ZDHHC11B: variants seen among roughly 807,000 people sequenced by gnomAD.
ZDHHC11B encodes zDHHC palmitoyltransferase 11B (putative).
A neutral mutation model predicts 42.3 loss-of-function variants in ZDHHC11B; 17 were observed. The observed-to-expected ratio is 0.40, with a 90% CI of 0.27 to 0.60. The LOEUF is 0.60. Among genes scored for constraint, ZDHHC11B ranks in the 20% least tolerant of loss-of-function variants. The probability of loss-of-function intolerance (pLI) is 0.41; values close to 1 mark genes in which losing one functional copy is unlikely to be tolerated. For synonymous variants in ZDHHC11B, 123 were observed against 193.5 expected (o/e 0.64, Z 3.02); for missense variants, 262 against 463.2 (o/e 0.57, Z 3.99).
At chr5:759,861 C>T (rs1369827940) in intron 4 of ZDHHC11B, among the ~76,000 whole-genome samples, 4 of 151,884 alleles carry the variant, frequency 2.6e-5, no homozygotes, top group African/African-American at 7.3e-5. Flanking sequence ...CTGCAGGTGC[C>T]GGATAGCACA....
intron 4 of ZDHHC11B, among the ~76,000 whole-genome samples, chr5:762,812 A>AT (rs56065479): frequency 0.55 from 81,967 of 149,680 alleles, 17,854 homozygotes; most frequent in East Asian, 0.68. Flanking sequence ...TAAAAGCAGA[A>AT]TTTTTTTTTA....
chr5:729,418 G>A (rs1742840462), intron 12 of ZDHHC11B, among the ~76,000 whole-genome samples: 1 of 150,620 alleles, frequency 6.6e-6, no homozygotes, highest in South Asian at 2.1e-4. Flanking sequence ...CTGGGGCGGG[G>A]GCTTCCCCTG....
intron 4 of ZDHHC11B, among the ~76,000 whole-genome samples, chr5:762,651 G>A (rs1480102944): frequency 2.6e-5 from 4 of 151,740 alleles, no homozygotes; most frequent in African/African-American, 7.3e-5. Context: ...GTGCATGCCC[G>A]GGTCTGTGCA....
At chr5:734,024 G>A (rs563564456) in intron 10 of ZDHHC11B, among the ~76,000 whole-genome samples, 185 bp from the exon 11 acceptor site, 48 of 146,490 alleles carry the variant, frequency 3.3e-4, no homozygotes, top group African/African-American at 1.2e-3. Flanking sequence ...AGTGGCACAC[G>A]TAAGAAGCTT....
intron 1 of ZDHHC11B, among the ~76,000 whole-genome samples, chr5:776,412 C>T (rs1232205906): frequency 1.4e-4 from 21 of 151,846 alleles, no homozygotes; most frequent in African/African-American, 5.1e-4. Flanking sequence ...AGAAGCAACC[C>T]CCCAGTAAAT....
At position 766,941 on chromosome 5, in the gene ZDHHC11B, G is replaced by A. The variant is rs1331031449; in HGVS notation, c.1-22C>T. ...CCATCTGCAGGACACAGAAGGGGAG[G>A]ACCTGCGCCATCAGCTCCGGGGAGG... On this transcript the variant is annotated intron_variant, in intron 3 of 13. Coordinates refer to ENST00000508859, the MANE Select transcript of ZDHHC11B (RefSeq NM_001351303.2). 5 of 1,607,254 alleles carry A rather than the reference G, an allele frequency of 3.1e-6. No homozygotes were observed. In the South Asian group the frequency reaches 5.5e-5, roughly 18 times the overall value.
intron 13 of ZDHHC11B, among the ~76,000 whole-genome samples, chr5:712,934 A>G (rs555181640): frequency 1.3e-5 from 2 of 148,886 alleles, no homozygotes; most frequent in South Asian, 2.2e-4. Context: ...GTGTGTATAT[A>G]TATATATATT....
chr5:732,139 C>T, intron 11 of ZDHHC11B: 1 of 157,078 alleles, frequency 6.4e-6, no homozygotes, highest in Non-Finnish European at 1.4e-5. Flanking sequence ...CAGCACAGGG[C>T]TGTGCCACGG....
At chr5:784,004 G>A (rs1737069500) in intron 1 of ZDHHC11B, among the ~76,000 whole-genome samples, 1 of 151,316 alleles carries the variant, frequency 6.6e-6, no homozygotes, top group Admixed American at 6.6e-5. Context: ...ATCCTCGGGC[G>A]CTGCTCCCAG....
chr5:775,498 C>A (rs1419602821), intron 1 of ZDHHC11B, among the ~76,000 whole-genome samples: 6 of 151,974 alleles, frequency 3.9e-5, no homozygotes, highest in Non-Finnish European at 7.4e-5. Flanking sequence ...GGGAAGGGAC[C>A]AGGCTGGGAA....
rs1742341157 is a variant in ZDHHC11B at position 723,479 on chromosome 5, T to A, written c.1059-6614A>T. On this transcript the variant is annotated intron_variant, in intron 12 of 13. Transcript: ENST00000508859. ...TGGCCCAGAAACGAGGTCTGTCTGA[T>A]GCCAAAGTCCAAATGCAGGTTACGG... Among the ~76,000 whole-genome samples, 4 of 121,508 alleles carry A rather than the reference T, an allele frequency of 3.3e-5. No individual in the cohort carries two copies. The South Asian group carries it at 1.1e-3, about 32-fold the overall frequency. 79.7% of individuals were successfully genotyped at this position (121,508 alleles called of 152,430 possible).
chr5:771,672 G>A (rs1412817233), intron 1 of ZDHHC11B, among the ~76,000 whole-genome samples: 16 of 151,784 alleles, frequency 1.1e-4, no homozygotes, highest in African/African-American at 3.6e-4. Context: ...TGCAGCAGGG[G>A]TCGCTGGACA....
chr5:777,018 A>C (rs447545), intron 1 of ZDHHC11B, among the ~76,000 whole-genome samples: 1 of 151,770 alleles, frequency 6.6e-6, no homozygotes, highest in Admixed American at 6.6e-5. Context: ...CCCCTGCAGC[A>C]CAGGACGCAG....
At chr5:733,730 A>G (rs1461102882) in intron 11 of ZDHHC11B, 22 bp downstream of exon 11, 1 of 1,602,584 alleles carries the variant, frequency 6.2e-7, no homozygotes, top group Non-Finnish European at 8.5e-7. Context: ...CTCAGGGTGC[A>G]TTGCTGGTGA....
chr5:756,947 G>T (rs1482856631), intron 4 of ZDHHC11B, among the ~76,000 whole-genome samples: 2 of 151,774 alleles, frequency 1.3e-5, no homozygotes, highest in Admixed American at 6.6e-5. Flanking sequence ...CTGGGCCTCT[G>T]TCTTGGGCCC....
At chr5:737,383 A>G (rs1311428588) in intron 10 of ZDHHC11B, among the ~76,000 whole-genome samples, 1 of 149,440 alleles carries the variant, frequency 6.7e-6, no homozygotes, top group Non-Finnish European at 1.5e-5. Context: ...GCATCCAAAG[A>G]AGGACTGGTA....
intron 12 of ZDHHC11B, among the ~76,000 whole-genome samples, chr5:719,242 T>C (rs1469605338): frequency 6.6e-6 from 1 of 151,666 alleles, no homozygotes; most frequent in African/African-American, 2.4e-5. Flanking sequence ...ACACAGAATA[T>C]CCAGTTTTTA....
intron 6 of ZDHHC11B, among the ~76,000 whole-genome samples, chr5:754,251 G>C (rs1427147649): frequency 1.7e-5 from 2 of 118,070 alleles, no homozygotes; most frequent in Non-Finnish European, 1.8e-5. Flanking sequence ...CCGTGCTCAG[G>C]GGAAACACCT....
intron 8 of ZDHHC11B, among the ~76,000 whole-genome samples, chr5:747,078 A>G (rs1243264591): frequency 4.3e-5 from 4 of 93,482 alleles, no homozygotes; most frequent in Non-Finnish European, 2.3e-5. Context: ...AATATAAGAG[A>G]GATTGCTAGA....
Sources: gnomAD v4.1 joint callset for allele counts (sites outside exome capture counted in the v4.1 genomes callset) on GRCh38, gnomAD v4.1.1 for gene constraint, MANE v1.5 for transcripts, NCBI Gene and HGNC (gene_info 2026-07-23, HGNC 2026-07-21) for gene names.